CTNND2: variants seen among roughly 807,000 people sequenced by gnomAD.
CTNND2 encodes catenin delta-2.
CTNND2 carries 22 observed loss-of-function variants against 144.4 expected under a neutral mutation model. That is an observed-to-expected ratio of 0.15 (90% CI 0.11 to 0.22). CTNND2 has a LOEUF of 0.22. Ranked by LOEUF, CTNND2 falls within the 10% of genes least tolerant of loss-of-function variation. The pLI is 1.00. For synonymous variants in CTNND2, 751 were observed against 695.6 expected, an observed-to-expected ratio of 1.08 and a Z score of -1.25; for missense variants, 1,353 against 1,618.8, an observed-to-expected ratio of 0.84 and a Z score of 2.82.
chr5:11,326,042 C>T (rs374194119), intron 9 of CTNND2, among the ~76,000 whole-genome samples: 2 of 152,126 alleles, frequency 1.3e-5, no homozygotes, highest in East Asian at 1.9e-4. Flanking sequence ...CACACACATG[C>T]GCCACCTCTT....
chr5:10,996,195 G>C (rs1374044774), intron 18 of CTNND2, among the ~76,000 whole-genome samples: 2 of 152,190 alleles, frequency 1.3e-5, no homozygotes, highest in African/African-American at 2.4e-5. Context: ...GAGTTGATGG[G>C]TCATCAGGCA....
chr5:11,630,867 T>G (rs969858007), intron 2 of CTNND2, among the ~76,000 whole-genome samples: 2 of 151,630 alleles, frequency 1.3e-5, no homozygotes, highest in Non-Finnish European at 2.9e-5. Flanking sequence ...GGCAGGAGAA[T>G]CACTTGAACT....
At chr5:11,504,154 A>G (rs930448102) in intron 3 of CTNND2, among the ~76,000 whole-genome samples, 11 of 152,202 alleles carry the variant, frequency 7.2e-5, no homozygotes, top group Admixed American at 5.9e-4. Flanking sequence ...TAAGATAACC[A>G]TGAAGAGTGC....
At chr5:11,691,596 T>A (rs1784912554) in intron 2 of CTNND2, among the ~76,000 whole-genome samples, 1 of 151,866 alleles carries the variant, frequency 6.6e-6, no homozygotes, top group African/African-American at 2.4e-5. Context: ...AAAGAAACTT[T>A]AAATATATAA....
chr5:11,521,070 G>A lies in CTNND2; in HGVS notation c.287+43874C>T, dbSNP rs900969081. ...TCATAGGAAAATAGAGGGGTAATTCGAATTTTCAAGTTGAAGATGTGCTTA... is the reference window on the plus strand; with the variant it reads ...TCATAGGAAAATAGAGGGGTAATTCAAATTTTCAAGTTGAAGATGTGCTTA... On this transcript the variant is annotated intron_variant, in intron 3 of 21. Coordinates refer to ENST00000304623, the MANE Select transcript of CTNND2 (RefSeq NM_001332.4). Among the ~76,000 whole-genome samples, 8 of 152,066 alleles carry A rather than the reference G, an allele frequency of 5.3e-5. 1 individual carries two copies. The South Asian group carries it at 1.0e-3, about 20-fold the overall frequency.
intron 14 of CTNND2, among the ~76,000 whole-genome samples, chr5:11,101,885 A>G (rs994784836): frequency 4.9e-4 from 44 of 89,678 alleles, no homozygotes; most frequent in African/African-American, 1.9e-3. Context: ...TGACGACCAC[A>G]TATGTGTGTG....
rs923185555 is a variant in CTNND2, at chr5:10,973,136, G to A, written c.*317C>T. The A allele has an allele frequency of 8.4e-6, 2 of 237,770 alleles. No individual in the cohort carries two copies. Among genetic ancestry groups the A allele is most frequent in the Admixed American group, 5.1e-5 (1 of 19,420 alleles). 14.7% of individuals were successfully genotyped at this position (237,770 alleles called of 1,614,324 possible). On this transcript the variant is annotated 3_prime_UTR_variant, in exon 22 of 22. Transcript: ENST00000304623. This position sits in a 1 kb window ranked among gnomAD's most constrained non-coding sequence, Gnocchi z 5.6. ...TTAACGATAACCCTTACGCCCCACC[G>A]GCCCGAATGCCTCGTCTCTCCTCCC...
intron 12 of CTNND2, among the ~76,000 whole-genome samples, chr5:11,128,995 TAATATATA>T (rs1755107899): frequency 2.1e-5 from 1 of 48,774 alleles, no homozygotes; most frequent in African/African-American, 6.7e-5. Flanking sequence ...ATATAATATA[TAATATATA>T]AATATATATT....
intron 1 of CTNND2, among the ~76,000 whole-genome samples, chr5:11,850,695 G>A (rs4452559): frequency 0.69 from 105,181 of 152,060 alleles, 36,492 homozygotes; most frequent in South Asian, 0.78. Flanking sequence ...CACAGCATTC[G>A]CTCACACATA....
chr5:11,239,486 T>C (rs1741988317), intron 9 of CTNND2, among the ~76,000 whole-genome samples: 1 of 152,230 alleles, frequency 6.6e-6, no homozygotes, highest in Non-Finnish European at 1.5e-5. Flanking sequence ...TTCACTCTGC[T>C]GATCTGCAAA....
In CTNND2 at chr5:11,384,593, A is replaced by G; in HGVS notation, c.1177+72T>C. 6.9e-7 allele frequency: 1 copy of G among 1,445,560 alleles called. No individual in the cohort carries two copies. The highest frequency in any genetic ancestry group is 2.5e-5 in the East Asian group (1 of 40,812). The allele number at this position is 1,445,560 out of a possible 1,614,324, so 89.5% of individuals were successfully genotyped here. A position where few individuals can be genotyped will look rare whatever the true frequency, so the allele number is the denominator to read the frequency against. ...AGCGCGCCCGGCTTCGCTTCTGCTC[A>G]AGCCGGGCTGCTGCTTCCGCGTCCC... On this transcript the variant is annotated intron_variant, in intron 7 of 21. Coordinates refer to ENST00000304623, the MANE Select transcript of CTNND2 (RefSeq NM_001332.4). The surrounding 1 kb of genome is among the most constrained non-coding windows in gnomAD (Gnocchi z 5.2).
intron 11 of CTNND2, among the ~76,000 whole-genome samples, chr5:11,198,316 T>C (rs1226620022): frequency 1.3e-5 from 2 of 152,138 alleles, no homozygotes; most frequent in East Asian, 3.9e-4. Context: ...TTTCTAGTTA[T>C]AGAAAGAAAA....
At position 10,988,136 on chromosome 5, in the gene CTNND2, G is replaced by A. The variant is rs773794882; in HGVS notation, c.3318C>T (p.His1106=). 1.9e-6 allele frequency: 3 copies of A among 1,614,108 alleles called. No homozygotes were observed. Among genetic ancestry groups the A allele is most frequent in the Non-Finnish European group, 2.5e-6 (3 of 1,180,050 alleles). Residue 1106 remains histidine (H), a synonymous_variant, in exon 20 of 22, where the codon CAC becomes CAT. Transcript: ENST00000304623. The surrounding 1 kb of genome is among the most constrained non-coding windows in gnomAD (Gnocchi z 5.9). ...CTGTCATGGCATCTTTCCTGGAAGT[G>A]TGTTCGCCTTTAGCTCCGTGGTAGG... ...NATYHGAKGE[H]TSRKDAMTAQ...
chr5:10,994,782 T>C (rs563332803), intron 18 of CTNND2, among the ~76,000 whole-genome samples: 1 of 151,134 alleles, frequency 6.6e-6, no homozygotes, highest in Admixed American at 6.6e-5. Flanking sequence ...TGGGGAGGAG[T>C]AGCCACAGCA....
chr5:11,311,983 T>C, intron 9 of CTNND2, among the ~76,000 whole-genome samples: 4 of 117,354 alleles, frequency 3.4e-5, no homozygotes, highest in Non-Finnish European at 5.2e-5. Flanking sequence ...ACCCACACAC[T>C]ACCCATATAT....
chr5:11,456,674 T>C (rs1228350148), intron 3 of CTNND2, among the ~76,000 whole-genome samples: 1 of 152,174 alleles, frequency 6.6e-6, no homozygotes, highest in Non-Finnish European at 1.5e-5. Context: ...GGTGCTTTTG[T>C]TCTTGGCTTT....
intron 11 of CTNND2, among the ~76,000 whole-genome samples, chr5:11,162,344 A>T (rs1758853741): frequency 6.6e-6 from 1 of 152,174 alleles, no homozygotes; most frequent in Admixed American, 6.5e-5. Context: ...CAAATCTAGT[A>T]CCTGACAAGA....
At chr5:11,718,122 TA>T (rs1242776178) in intron 2 of CTNND2, among the ~76,000 whole-genome samples, 1 of 152,212 alleles carries the variant, frequency 6.6e-6, no homozygotes, top group African/African-American at 2.4e-5. Context: ...ATAATTTCAA[TA>T]TTCGTATTTG....
intron 16 of CTNND2, among the ~76,000 whole-genome samples, chr5:11,081,842 G>C (rs544994855): frequency 2.0e-5 from 3 of 152,290 alleles, no homozygotes; most frequent in African/African-American, 4.8e-5. Flanking sequence ...GGGATGGAGA[G>C]TGATTGCTAA....
Sources: allele counts gnomAD v4.1 joint callset (sites outside exome capture counted in the v4.1 genomes callset), GRCh38; gene constraint gnomAD v4.1.1; non-coding constraint Gnocchi (gnomAD v3.1); transcripts MANE v1.5; gene names NCBI Gene and HGNC (gene_info 2026-07-23, HGNC 2026-07-21).